The following EXOC6B variants were observed in gnomAD, a reference collection of about 807,000 sequenced individuals.
The protein encoded by EXOC6B is exocyst complex component 6B.
EXOC6B carries 54 observed loss-of-function variants against 113.5 expected under a neutral mutation model. The observed-to-expected ratio is 0.48, with a 90% CI of 0.38 to 0.60. EXOC6B has a LOEUF of 0.60. Among genes scored for constraint, EXOC6B ranks in the 20% least tolerant of loss-of-function variants. EXOC6B has a pLI of 0.00. For missense variants in EXOC6B, 797 were observed against 977.5 expected (o/e 0.82, Z 2.46); for synonymous variants, 357 against 339.0 (o/e 1.05, Z -0.58).
chr2:72,229,297 T>A (rs944086642), intron 20 of EXOC6B, among the ~76,000 whole-genome samples: 3 of 152,120 alleles, frequency 2.0e-5, no homozygotes, highest in African/African-American at 7.2e-5. Flanking sequence ...GAGACGTCGT[T>A]AAGATCTAAC....
intron 18 of EXOC6B, among the ~76,000 whole-genome samples, chr2:72,397,092 T>C (rs1307623603): frequency 2.0e-5 from 3 of 152,316 alleles, no homozygotes; most frequent in Admixed American, 6.5e-5. Flanking sequence ...TCTCAGCCTG[T>C]TGTCAGATAG....
intron 6 of EXOC6B, among the ~76,000 whole-genome samples, chr2:72,658,217 C>G (rs535532156): frequency 1.3e-5 from 1 of 79,940 alleles, no homozygotes; most frequent in South Asian, 3.5e-4. Flanking sequence ...ACAGAAGAAA[C>G]AGGAAAGGAA....
chr2:72,783,146 T>C (rs1480457993), intron 1 of EXOC6B, among the ~76,000 whole-genome samples: 1 of 151,554 alleles, frequency 6.6e-6, no homozygotes, highest in Non-Finnish European at 1.5e-5. Context: ...GTATAAAAGC[T>C]CCCTTTACTC....
chr2:72,735,492 G>T (rs983865886), intron 2 of EXOC6B, among the ~76,000 whole-genome samples: 1 of 152,048 alleles, frequency 6.6e-6, no homozygotes, highest in African/African-American at 2.4e-5. Flanking sequence ...ATATCCCTAG[G>T]AACCTAATGA....
chr2:72,347,198 T>C (rs1215477583), intron 19 of EXOC6B, among the ~76,000 whole-genome samples: 1 of 152,144 alleles, frequency 6.6e-6, no homozygotes, highest in Non-Finnish European at 1.5e-5. Context: ...ATATATCTTT[T>C]AGAACAAGGC....
chr2:72,262,150 G>A (rs1184432695), intron 20 of EXOC6B, among the ~76,000 whole-genome samples: 4 of 152,096 alleles, frequency 2.6e-5, no homozygotes, highest in Non-Finnish European at 5.9e-5. Context: ...GATGACAAAA[G>A]GAATTAATGA....
At chr2:72,246,577 A>C (rs1359614851) in intron 20 of EXOC6B, among the ~76,000 whole-genome samples, 1 of 144,308 alleles carries the variant, frequency 6.9e-6, no homozygotes, top group Non-Finnish European at 1.5e-5. Context: ...GCGCAATCTC[A>C]GCTCACTGCA....
At chr2:72,383,116 T>C (rs1024321745) in intron 18 of EXOC6B, among the ~76,000 whole-genome samples, 3 of 152,094 alleles carry the variant, frequency 2.0e-5, no homozygotes, top group African/African-American at 2.4e-5. Flanking sequence ...CTAAAAGCAA[T>C]TGTAACAAAC....
At chr2:72,216,143 A>G (rs1007865678) in intron 20 of EXOC6B, among the ~76,000 whole-genome samples, 2 of 152,156 alleles carry the variant, frequency 1.3e-5, no homozygotes, top group African/African-American at 4.8e-5. Flanking sequence ...CTAGCAAGCA[A>G]TGAATAATCA....
intron 19 of EXOC6B, among the ~76,000 whole-genome samples, chr2:72,346,137 C>T (rs1160267875): frequency 6.6e-6 from 1 of 151,900 alleles, no homozygotes; most frequent in Non-Finnish European, 1.5e-5. Context: ...AATGCCAAAC[C>T]AGTACTCCAA....
chr2:72,685,875 C>T (rs924548197), intron 6 of EXOC6B, among the ~76,000 whole-genome samples: 1 of 152,176 alleles, frequency 6.6e-6, no homozygotes, highest in Non-Finnish European at 1.5e-5. Flanking sequence ...AAGCCATAAA[C>T]AACAAGAATT....
At chr2:72,373,771 T>C (rs1477646531) in intron 19 of EXOC6B, among the ~76,000 whole-genome samples, 1 of 152,200 alleles carries the variant, frequency 6.6e-6, no homozygotes, top group African/African-American at 2.4e-5. Context: ...TAACAAATGC[T>C]GGAAAGGATG....
Position 72,198,164 on chromosome 2 carries a change from C to A in EXOC6B, c.2197-13977G>T, listed in dbSNP as rs760925797. Among the ~76,000 whole-genome samples the A allele has an allele frequency of 2.9e-4, 44 of 152,268 alleles. No individual in the cohort carries two copies. In the Middle Eastern group the frequency reaches 0.017, roughly 59 times the overall value. On this transcript the variant is annotated intron_variant, in intron 20 of 21. Transcript: ENST00000272427. ...GACATAGGGCCAATATGAAAAGAAACATATTTCAGGTTCAAGCCAGTGTTG... is the reference window on the plus strand; with the variant it reads ...GACATAGGGCCAATATGAAAAGAAAAATATTTCAGGTTCAAGCCAGTGTTG...
intron 18 of EXOC6B, among the ~76,000 whole-genome samples, chr2:72,398,042 A>T (rs1692864143): frequency 6.6e-6 from 1 of 152,236 alleles, no homozygotes; most frequent in Admixed American, 6.5e-5. Flanking sequence ...GTGCTCAAAT[A>T]TTTGGTCAAA....
rs150946840 is a variant in EXOC6B at position 72,727,593 on chromosome 2, C to G, written c.464+3414G>C. On this transcript the variant is annotated intron_variant, in intron 5 of 21. Transcript: ENST00000272427. ...ATATTTCAAAGCTAATGTCCATTCT[C>G]TATCGCACTGTGGTTGCATAGAAGA... 1.6e-4 allele frequency among the ~76,000 whole-genome samples: 24 copies of G among 152,266 alleles called. No individual in the cohort carries two copies. In the East Asian group the frequency reaches 4.4e-3, roughly 28 times the overall value.
chr2:72,540,221 G>C (rs1373694887), intron 8 of EXOC6B, among the ~76,000 whole-genome samples: 2 of 151,944 alleles, frequency 1.3e-5, no homozygotes, highest in Admixed American at 1.3e-4. Context: ...TTGGTTCCAA[G>C]TCTTTGCTAT....
At chr2:72,817,053 T>G (rs965191623) in intron 1 of EXOC6B, among the ~76,000 whole-genome samples, 1 of 152,214 alleles carries the variant, frequency 6.6e-6, no homozygotes, top group Non-Finnish European at 1.5e-5. Context: ...CACAAAAAAA[T>G]TTATTCTCCT....
At chr2:72,500,038 T>A in intron 11 of EXOC6B, 66 bp from the exon 12 acceptor site, 2 of 1,104,446 alleles carry the variant, frequency 1.8e-6, no homozygotes, top group Non-Finnish European at 2.7e-6. Context: ...AAATTTTTAT[T>A]TATTTAATTG....
chr2:72,394,662 G>T (rs1406875072), intron 18 of EXOC6B, among the ~76,000 whole-genome samples: 1 of 152,052 alleles, frequency 6.6e-6, no homozygotes, highest in East Asian at 1.9e-4. Flanking sequence ...CATTAACAAA[G>T]ACATGTCTTT....
Sources: allele counts gnomAD v4.1 joint callset (sites outside exome capture counted in the v4.1 genomes callset), GRCh38; gene constraint gnomAD v4.1.1; transcripts MANE v1.5; gene names NCBI Gene and HGNC (gene_info 2026-07-23, HGNC 2026-07-21).